NEB: variants seen among roughly 807,000 people sequenced by gnomAD.
NEB encodes the protein nemaline myopathy type 2.
NEB carries 512 observed loss-of-function variants against 952.2 expected under a neutral mutation model. That is an observed-to-expected ratio of 0.54 (90% CI 0.50 to 0.58). The LOEUF (loss-of-function observed/expected upper bound fraction) is 0.58. Ranked by LOEUF, NEB falls within the 20% of genes least tolerant of loss-of-function variation. NEB has a pLI of 0.00. For synonymous variants in NEB, 2,900 were observed against 3,149.8 expected (o/e 0.92, Z 2.66); for missense variants, 8,428 against 9,231.1 (o/e 0.91, Z 3.56).
In NEB at chr2:151,540,629, G is replaced by C. The variant is rs990059316; in HGVS notation, c.20787+68C>G. The C allele has an allele frequency of 9.4e-5, 128 of 1,367,194 alleles. No homozygotes were observed. The Admixed American group carries it at 2.2e-3, about 23-fold the overall frequency. The allele number at this position is 1,367,194 out of a possible 1,614,324, so 84.7% of individuals were successfully genotyped here. On this transcript the variant is annotated intron_variant, in intron 137 of 181. Coordinates refer to ENST00000397345, the MANE Select transcript of NEB (RefSeq NM_001164508.2). Reference sequence around the variant, plus strand: ...GTAATGAGCTCTCTGATCAGAGGTAGCAGGGGAAGGTTTTAACAAAGTATT... The same window carrying C: ...GTAATGAGCTCTCTGATCAGAGGTACCAGGGGAAGGTTTTAACAAAGTATT...
intron 75 of NEB, among the ~76,000 whole-genome samples, 200 bp downstream of exon 75, chr2:151,617,164 A>G (rs1319624673): frequency 6.6e-6 from 1 of 152,218 alleles, no homozygotes; most frequent in Non-Finnish European, 1.5e-5. Context: ...TCAATTCCTG[A>G]TAACCTGTTA....
At chr2:151,545,742 T>C in intron 135 of NEB, 146 bp downstream of exon 135, 1 of 586,202 alleles carries the variant, frequency 1.7e-6, no homozygotes, top group Non-Finnish European at 3.0e-6. Context: ...TTAGACATAG[T>C]AGCCATTCCA....
intron 9 of NEB, among the ~76,000 whole-genome samples, chr2:151,722,062 T>C (rs1383353456): frequency 1.3e-5 from 2 of 152,180 alleles, no homozygotes; most frequent in Non-Finnish European, 2.9e-5. Context: ...TGTGTATAAT[T>C]TTGGTTCATG....
Position 151,541,546 on chromosome 2 carries a change from G to T in NEB, c.20583C>A (p.Val6861=). ...QELKTHLSEL[V]YRAAGKKQKS... is the part of the protein sequence containing the mutation. ...TCTGCTTCTTGCCTGCAGCTCTGTAGACCAGCTAGACATAAACCAAGTTAT... is the reference window on the plus strand; with the variant it reads ...TCTGCTTCTTGCCTGCAGCTCTGTATACCAGCTAGACATAAACCAAGTTAT... The change falls in exon 136 of 182, where the codon GTC becomes GTA. Residue 6861 remains valine, a synonymous_variant. Coordinates refer to ENST00000397345, the MANE Select transcript of NEB (RefSeq NM_001164508.2). 1 of 1,612,432 alleles carries T rather than the reference G, an allele frequency of 6.2e-7. No individual in the cohort carries two copies. The highest frequency in any genetic ancestry group is 1.1e-5 in the South Asian group (1 of 90,950).
At position 151,623,654 on chromosome 2, in the gene NEB, T is replaced by G. The variant is rs1020002409; in HGVS notation, c.10452+1880A>C. ...TTATAGTCTTTTCAAGATGAGATTT[T>G]ATAAGAAAAAGCTAAAGTAAAAATA... is the stretch of plus-strand genomic sequence containing the variant. On this transcript the variant is annotated intron_variant, in intron 71 of 181. Coordinates refer to ENST00000397345, the MANE Select transcript of NEB (RefSeq NM_001164508.2). Among the ~76,000 whole-genome samples, 10 of 152,290 alleles carry G rather than the reference T, an allele frequency of 6.6e-5. No homozygotes were observed. The South Asian group carries it at 2.1e-3, about 32-fold the overall frequency.
chr2:151,510,667 G>T (rs1355866858), intron 161 of NEB, among the ~76,000 whole-genome samples: 1 of 152,116 alleles, frequency 6.6e-6, no homozygotes, highest in African/African-American at 2.4e-5. Flanking sequence ...ATTAGTTATT[G>T]TTGTTAATCT....
chr2:151,699,108 C>T (rs1195279891), intron 13 of NEB, among the ~76,000 whole-genome samples: 150 of 138,798 alleles, frequency 1.1e-3, no homozygotes, highest in African/African-American at 3.4e-3. Context: ...TGAGAATATG[C>T]GGTGTTTGGT....
chr2:151,489,922 A>G, intron 181 of NEB, 49 bp downstream of exon 181: 1 of 1,394,330 alleles, frequency 7.2e-7, no homozygotes, highest in Non-Finnish European at 1.0e-6. Flanking sequence ...ATGTTTGCAC[A>G]TATCAAAAAT....
At chr2:151,636,137 A>T in intron 64 of NEB, 90 bp downstream of exon 64, 1 of 1,065,062 alleles carries the variant, frequency 9.4e-7, no homozygotes, top group Non-Finnish European at 1.4e-6. Flanking sequence ...ATATTTTCAA[A>T]GGTCCAGGAA....
chr2:151,530,941 T>A (rs2153488778), intron 145 of NEB, 53 bp downstream of exon 145: 1 of 1,204,046 alleles, frequency 8.3e-7, no homozygotes. Flanking sequence ...TTGTTACATC[T>A]CATTAGAAGG....
intron 44 of NEB, 79 bp from the exon 45 acceptor site, chr2:151,663,938 G>A (rs2099174736): frequency 1.4e-6 from 2 of 1,416,172 alleles, no homozygotes; most frequent in East Asian, 4.6e-5. Context: ...TGTGAGCTTT[G>A]TCTTAGATGA....
chr2:151,655,398 T>C (rs773728774), intron 50 of NEB, 24 bp from the exon 51 acceptor site: 2 of 1,353,986 alleles, frequency 1.5e-6, no homozygotes, highest in Non-Finnish European at 2.1e-6. Context: ...AAAAAAGACA[T>C]GAAATTTGAA....
chr2:151,560,807 C>A, intron 123 of NEB, 108 bp from the exon 124 acceptor site: 1 of 813,452 alleles, frequency 1.2e-6, no homozygotes, highest in Non-Finnish European at 2.0e-6. Flanking sequence ...TCCCTACTAA[C>A]TCCCAGGACT....
chr2:151,724,399 G>A lies in NEB; in HGVS notation c.508-35C>T, dbSNP rs766274102. The A allele has an allele frequency of 7.3e-6, 11 of 1,501,932 alleles. 1 individual carries two copies. In the South Asian group the frequency reaches 8.2e-5, roughly 11 times the overall value. 93.0% of individuals were successfully genotyped at this position (1,501,932 alleles called of 1,614,324 possible). A position where few individuals can be genotyped will look rare whatever the true frequency, so the allele number is the denominator to read the frequency against. On this transcript the variant is annotated intron_variant, in intron 7 of 181. Transcript: ENST00000397345. Reference sequence around the variant, plus strand: ...AGGAGCAGAGGATCTGTGGCTTGAGGTCTCACCCAAAGGCATGAGGATTTA... The same window carrying A: ...AGGAGCAGAGGATCTGTGGCTTGAGATCTCACCCAAAGGCATGAGGATTTA...
chr2:151,665,488 G>A lies in NEB; in HGVS notation c.5083C>T (p.Pro1695Ser). ...TTCTCCACCTCCAGGGACTCTATGG[G>A]CACCCAGCCGATCCCTTTCATCCAA... is the stretch of plus-strand genomic sequence containing the variant. ...TNWMKGIGWV[P>S]IESLEVEKAK... Residue 1695 changes from proline (P) to serine (S), a missense_variant, in exon 42 of 182, where the codon CCC (proline) becomes TCC (serine). Physicochemically the swap from Pro to Ser is moderately conservative, Grantham distance 74 (BLOSUM62 -1). Coordinates refer to ENST00000397345, the MANE Select transcript of NEB (RefSeq NM_001164508.2). 1 of 1,612,016 alleles carries A rather than the reference G, an allele frequency of 6.2e-7. No homozygotes were observed. Among genetic ancestry groups the A allele is most frequent in the Non-Finnish European group, 8.5e-7 (1 of 1,179,180 alleles).
chr2:151,697,257 G>C lies in NEB; in HGVS notation c.1366-5C>G. ...GTATTCTGCTTTGTAGTTTTTCTAT[G>C]AGGAGAAGAAATTAGGCATAAGATG... On this transcript the variant is annotated splice_region_variant and splice_polypyrimidine_tract_variant and intron_variant, in intron 15 of 181. Transcript: ENST00000397345. 6.2e-7 allele frequency: 1 copy of C among 1,613,334 alleles called. No individual in the cohort carries two copies. Among genetic ancestry groups the C allele is most frequent in the Non-Finnish European group, 8.5e-7 (1 of 1,179,362 alleles).
chr2:151,642,498 T>C, intron 60 of NEB, 76 bp downstream of exon 60: 1 of 1,233,398 alleles, frequency 8.1e-7, no homozygotes, highest in South Asian at 1.4e-5. Context: ...GGCTTACTTG[T>C]GCCACTATAA....
In NEB at chr2:151,493,836, G is replaced by A; in HGVS notation, c.24611C>T (p.Thr8204Ile). 2 of 1,582,866 alleles carry A rather than the reference G, an allele frequency of 1.3e-6. No homozygotes were observed. The highest frequency in any genetic ancestry group is 1.3e-5 in the African/African-American group (1 of 74,384). Residue 8204 changes from threonine to isoleucine, a missense_variant, in exon 175 of 182, where the codon ACC (threonine) becomes ATC (isoleucine). Thr to Ile is a moderately conservative substitution (Grantham distance 89). Transcript: ENST00000397345. ...CATCTCAGGAGTAAAGGGTGTGGGGGTTGCTTTCCCCAGGTTCTCTTTGTA... is the reference window on the plus strand; with the variant it reads ...CATCTCAGGAGTAAAGGGTGTGGGGATTGCTTTCCCCAGGTTCTCTTTGTA... The part of the protein sequence containing the change: ...VLYKENLGKA[T>I]PTPFTPEMER...
intron 138 of NEB, among the ~76,000 whole-genome samples, 179 bp downstream of exon 138, chr2:151,540,165 C>A (rs2093843886): frequency 6.6e-6 from 1 of 152,006 alleles, no homozygotes. Context: ...TGGTATCTCT[C>A]AGCTATTTTG....
Sources: gnomAD v4.1 joint callset for allele counts (sites outside exome capture counted in the v4.1 genomes callset) on GRCh38, gnomAD v4.1.1 for gene constraint, MANE v1.5 for transcripts, NCBI Gene and HGNC (gene_info 2026-07-23, HGNC 2026-07-21) for gene names.